PRMT8: variants seen among roughly 807,000 people sequenced by gnomAD.
PRMT8 encodes the protein protein arginine N-methyltransferase 8.
PRMT8 carries 7 observed loss-of-function variants against 47.1 expected under a neutral mutation model. That is an observed-to-expected ratio of 0.15 (90% CI 0.08 to 0.28). The LOEUF (loss-of-function observed/expected upper bound fraction) is 0.28. PRMT8 is among the 10% of genes least tolerant of loss of function. The pLI, the probability that PRMT8 is intolerant of heterozygous loss-of-function variation, is 1.00. For missense variants in PRMT8, 237 were observed against 505.4 expected, an observed-to-expected ratio of 0.47 and a Z score of 5.09; for synonymous variants, 188 against 186.5, an observed-to-expected ratio of 1.01 and a Z score of -0.07.
intron 8 of PRMT8, among the ~76,000 whole-genome samples, chr12:3,587,512 C>T (rs17769930): frequency 0.033 from 4,981 of 152,126 alleles, 107 homozygotes; most frequent in Middle Eastern, 0.061. Flanking sequence ...CTTATTGATT[C>T]GAGCTATGCC....
At chr12:3,588,931 G>T (rs1437792686) in intron 8 of PRMT8, among the ~76,000 whole-genome samples, 4 of 152,206 alleles carry the variant, frequency 2.6e-5, no homozygotes, top group Non-Finnish European at 5.9e-5. Flanking sequence ...GAGAACTCTA[G>T]ATGTTGTCCA....
intron 4 of PRMT8, among the ~76,000 whole-genome samples, chr12:3,567,415 T>C (rs1353800118): frequency 6.6e-6 from 1 of 152,144 alleles, no homozygotes; most frequent in Non-Finnish European, 1.5e-5. Context: ...TCACAAACAC[T>C]AGAAGGGCAC....
chr12:3,420,209 T>C (rs1260923343), intron 1 of PRMT8, among the ~76,000 whole-genome samples: 1 of 152,024 alleles, frequency 6.6e-6, no homozygotes, highest in African/African-American at 2.4e-5. Context: ...AAACTCTCTC[T>C]CTCTCTCTCC....
intron 7 of PRMT8, among the ~76,000 whole-genome samples, chr12:3,581,840 C>T (rs1867073406): frequency 6.6e-6 from 1 of 152,218 alleles, no homozygotes; most frequent in Non-Finnish European, 1.5e-5. Context: ...TCTGTCCATC[C>T]CTGTGGAGTT....
At chr12:3,451,801 C>T (rs1465155847) in intron 1 of PRMT8, among the ~76,000 whole-genome samples, 2 of 152,174 alleles carry the variant, frequency 1.3e-5, no homozygotes, top group East Asian at 3.8e-4. Flanking sequence ...TGGGAACTGC[C>T]TTAACTGGAG....
intron 7 of PRMT8, among the ~76,000 whole-genome samples, chr12:3,582,813 G>A (rs539094209): frequency 4.0e-4 from 61 of 152,174 alleles, no homozygotes; most frequent in Admixed American, 1.4e-3. Context: ...TTTATCTTCC[G>A]AATTCTGCTC....
intron 1 of PRMT8, among the ~76,000 whole-genome samples, chr12:3,511,566 C>T (rs1865714453): frequency 6.6e-6 from 1 of 152,116 alleles, no homozygotes; most frequent in Non-Finnish European, 1.5e-5. Context: ...TCTTCCCTTC[C>T]CAGGCCTGGG....
At chr12:3,447,701 T>C (rs1306040000) in intron 1 of PRMT8, among the ~76,000 whole-genome samples, 3 of 152,148 alleles carry the variant, frequency 2.0e-5, no homozygotes, top group Non-Finnish European at 4.4e-5. Flanking sequence ...TTCTAGACAA[T>C]AGCTTTTTTG....
upstream of PRMT8, among the ~76,000 whole-genome samples, chr12:3,490,675 AAGAGAG>A (rs370069857): frequency 0.27 from 32,742 of 120,724 alleles, 4,326 homozygotes; most frequent in African/African-American, 0.33. Flanking sequence ...TTTGGGTACA[AAGAGAG>A]AGAGAGAGAG....
At chr12:3,486,001 C>A (rs371029706) in intron 1 of PRMT8, among the ~76,000 whole-genome samples, 1 of 152,310 alleles carries the variant, frequency 6.6e-6, no homozygotes, top group African/African-American at 2.4e-5. Flanking sequence ...GTTGCCCTGA[C>A]GCACCAGAGG....
Position 3,496,214 on chromosome 12 carries a change from A to ATAT in PRMT8, c.75+4515_75+4516insATT. ...TTTGGAAACTGATATATATATATAT[A>ATAT]TTTTTTTTTTTTTTTTTTTTTTTTT... On this transcript the variant is annotated intron_variant, in intron 1 of 9. Transcript: ENST00000382622. 1.4e-3 allele frequency among the ~76,000 whole-genome samples: 38 copies of ATAT among 27,786 alleles called. 1 individual carries two copies. Among genetic ancestry groups the ATAT allele is most frequent in the Admixed American group, 3.7e-3 (5 of 1,350 alleles). 18.2% of individuals were successfully genotyped at this position (27,786 alleles called of 152,430 possible).
Position 3,569,694 on chromosome 12 carries a change from A to G in PRMT8, c.712+130A>G. The G allele has an allele frequency of 1.3e-6, 1 of 765,062 alleles. No individual in the cohort carries two copies. Among genetic ancestry groups the G allele is most frequent in the South Asian group, 1.5e-5 (1 of 66,774 alleles). The allele number at this position is 765,062 out of a possible 1,614,324, so 47.4% of individuals were successfully genotyped here. A position where few individuals can be genotyped will look rare whatever the true frequency, so the allele number is the denominator to read the frequency against. ...GTCCCTGAAGAGGAGCTTATCTGGG[A>G]CCCTTTCTGGAGTCTGCTCTCTAAA... On this transcript the variant is annotated intron_variant, in intron 6 of 9. Transcript: ENST00000382622. This position sits in a 1 kb window ranked among gnomAD's most constrained non-coding sequence, Gnocchi z 8.2.
intron 1 of PRMT8, among the ~76,000 whole-genome samples, chr12:3,461,005 A>G (rs569894722): frequency 1.5e-3 from 232 of 152,218 alleles, no homozygotes; most frequent in African/African-American, 5.3e-3. Flanking sequence ...ATCTTTTTCC[A>G]GTAGGTGTGG....
chr12:3,413,039 G>A (rs890318833), intron 1 of PRMT8, among the ~76,000 whole-genome samples: 10 of 152,188 alleles, frequency 6.6e-5, no homozygotes, highest in African/African-American at 2.4e-4. Context: ...TCTGAAAAAT[G>A]TAGGGGTAAT....
intron 1 of PRMT8, among the ~76,000 whole-genome samples, chr12:3,495,745 G>A (rs943315777): frequency 6.6e-6 from 1 of 152,116 alleles, no homozygotes; most frequent in Non-Finnish European, 1.5e-5. Context: ...ATGTGATTGT[G>A]AACAAACTCT....
chr12:3,546,998 A>G (rs754656905), intron 2 of PRMT8, among the ~76,000 whole-genome samples: 13 of 152,372 alleles, frequency 8.5e-5, no homozygotes, highest in Admixed American at 2.6e-4. Context: ...AGTTCACCCC[A>G]TTAACAAAAT....
intron 1 of PRMT8, among the ~76,000 whole-genome samples, chr12:3,465,394 T>C (rs1244937185): frequency 2.0e-5 from 3 of 151,498 alleles, no homozygotes; most frequent in African/African-American, 4.9e-5. Flanking sequence ...TGAAGGCGGG[T>C]TTCCCAAGTG....
intron 1 of PRMT8, among the ~76,000 whole-genome samples, chr12:3,520,247 C>T (rs10744618): frequency 0.74 from 113,153 of 152,238 alleles, 43,017 homozygotes; most frequent in Non-Finnish European, 0.83. Flanking sequence ...GGAAAACCAA[C>T]GGTGCCTTCA....
intron 1 of PRMT8, among the ~76,000 whole-genome samples, chr12:3,532,858 TC>T (rs1038483147): frequency 1.3e-5 from 2 of 152,028 alleles, no homozygotes; most frequent in African/African-American, 4.8e-5. Flanking sequence ...TTCTTACCAG[TC>T]CCCAGGTGAT....
Sources: allele counts gnomAD v4.1 joint callset (sites outside exome capture counted in the v4.1 genomes callset), GRCh38; gene constraint gnomAD v4.1.1; non-coding constraint Gnocchi (gnomAD v3.1); transcripts MANE v1.5; gene names NCBI Gene and HGNC (gene_info 2026-07-23, HGNC 2026-07-21).